The following RIMBP2 variants were observed in gnomAD, a reference collection of about 807,000 sequenced individuals.
RIMBP2 encodes the protein RIMS binding protein 2, also known as RIMS-binding protein 2.
RIMBP2 carries 48 observed loss-of-function variants against 118.6 expected under a neutral mutation model. The ratio of observed to expected loss-of-function variants is 0.40; its 90% CI spans 0.32 to 0.51. The LOEUF (loss-of-function observed/expected upper bound fraction) is 0.51. Among genes scored for constraint, RIMBP2 ranks in the 20% least tolerant of loss-of-function variants. The pLI, the probability that RIMBP2 is intolerant of heterozygous loss-of-function variation, is 0.41. For missense variants in RIMBP2, 1,551 were observed against 1,768.3 expected, an observed-to-expected ratio of 0.88 and a Z score of 2.20; for synonymous variants, 762 against 742.9, an observed-to-expected ratio of 1.03 and a Z score of -0.42.
Position 130,479,376 on chromosome 12 carries a change from C to G in RIMBP2, c.-3-360G>C, listed in dbSNP as rs141616779. 2.8e-3 allele frequency among the ~76,000 whole-genome samples: 419 copies of G among 152,336 alleles called. 2 individuals are homozygous for G. Among genetic ancestry groups the G allele is most frequent in the African/African-American group, 9.6e-3 (399 of 41,572 alleles). On this transcript the variant is annotated intron_variant, in intron 4 of 22. Coordinates refer to ENST00000690449, the MANE Select transcript of RIMBP2 (RefSeq NM_001393629.1). Reference sequence around the variant, plus strand: ...TTTTGCCCAGGTCCTTTGTATATAACAGCAAAGGCTTATTGATGCTGCCCT... The same window carrying G: ...TTTTGCCCAGGTCCTTTGTATATAAGAGCAAAGGCTTATTGATGCTGCCCT...
intron 4 of RIMBP2, among the ~76,000 whole-genome samples, chr12:130,482,030 C>T (rs957625842): frequency 3.9e-5 from 6 of 152,096 alleles, no homozygotes; most frequent in Admixed American, 1.3e-4. Context: ...CGGGGACAAG[C>T]CACCAAGACA....
intron 2 of RIMBP2, among the ~76,000 whole-genome samples, chr12:130,608,615 G>A (rs546276060): frequency 5.9e-5 from 9 of 152,176 alleles, no homozygotes; most frequent in Non-Finnish European, 8.8e-5. Flanking sequence ...CATCTCCACC[G>A]GGGAGGGGAG....
rs1411858475 is a variant in RIMBP2, at chr12:130,523,438, G to T, written c.-216-5521C>A. Among the ~76,000 whole-genome samples, 1 of 152,182 alleles carries T rather than the reference G, an allele frequency of 6.6e-6. No homozygotes were observed. The highest frequency in any genetic ancestry group is 6.5e-5 in the Admixed American group (1 of 15,276). ...CTATGGCAGCCTGAGCTAGTGTATA[G>T]CCTCTGCTAAAGCAACGAGACATGG... On this transcript the variant is annotated intron_variant, in intron 2 of 22. Transcript: ENST00000690449. The surrounding 1 kb of genome is among the most constrained non-coding windows in gnomAD (Gnocchi z 4.4).
chr12:130,442,008 G>A lies in RIMBP2; in HGVS notation c.1344C>T (p.Ile448=), dbSNP rs889264671. ...VIFLNEEEFD[I]VKAARYKYQF... ...GGTACTTGTACCTGGCGGCCTTGAC[G>A]ATGTCGAACTCCTCCTCGTTGAGGA... The change falls in exon 11 of 23, where the codon ATC becomes ATT. Residue 448 remains isoleucine, a synonymous_variant. Coordinates refer to ENST00000690449, the MANE Select transcript of RIMBP2 (RefSeq NM_001393629.1). The surrounding 1 kb of genome is among the most constrained non-coding windows in gnomAD (Gnocchi z 6.9). 6.8e-6 allele frequency: 11 copies of A among 1,614,048 alleles called. No homozygotes were observed. The highest frequency in any genetic ancestry group is 1.3e-5 in the African/African-American group (1 of 74,942).
chr12:130,676,548 G>A (rs550714464), intron 1 of RIMBP2, among the ~76,000 whole-genome samples: 6 of 151,912 alleles, frequency 3.9e-5, no homozygotes, highest in Admixed American at 2.6e-4. Context: ...GCTTGAACCC[G>A]GGAGGTGGAG....
intron 21 of RIMBP2, among the ~76,000 whole-genome samples, chr12:130,402,203 C>T (rs949721985): frequency 5.3e-5 from 8 of 152,156 alleles, no homozygotes; most frequent in Admixed American, 3.9e-4. Context: ...ACTGCTTTGG[C>T]CTAAGTTCCG....
At chr12:130,430,948 G>GTA (rs1274017744) in intron 14 of RIMBP2, among the ~76,000 whole-genome samples, 3 of 152,128 alleles carry the variant, frequency 2.0e-5, no homozygotes, top group African/African-American at 7.2e-5. Flanking sequence ...CAGTCTTTAC[G>GTA]TAATGTGTAC....
At chr12:130,708,898 G>T (rs554212600) in intron 1 of RIMBP2, among the ~76,000 whole-genome samples, 1 of 152,134 alleles carries the variant, frequency 6.6e-6, no homozygotes, top group Admixed American at 6.5e-5. Context: ...CCAGCTTCGC[G>T]GTCAGGCAGC....
At chr12:130,678,804 T>G (rs1405463801) in intron 1 of RIMBP2, among the ~76,000 whole-genome samples, 1 of 152,130 alleles carries the variant, frequency 6.6e-6, no homozygotes, top group African/African-American at 2.4e-5. Context: ...CAGGCGTAAG[T>G]CACCATCCCT....
Position 130,438,351 on chromosome 12 carries a change from C to G in RIMBP2, c.1656+14G>C, listed in dbSNP as rs767638050. On this transcript the variant is annotated intron_variant, in intron 12 of 22. Transcript: ENST00000690449. Reference sequence around the variant, plus strand: ...GCCTAACAAACCCTCCCCACCCACCCAACGAAAACTCACCCTCTGCCCTTT... The same window carrying G: ...GCCTAACAAACCCTCCCCACCCACCGAACGAAAACTCACCCTCTGCCCTTT... 1.3e-6 allele frequency: 2 copies of G among 1,589,938 alleles called. No homozygotes were observed. Among genetic ancestry groups the G allele is most frequent in the Non-Finnish European group, 1.7e-6 (2 of 1,158,626 alleles).
intron 2 of RIMBP2, among the ~76,000 whole-genome samples, chr12:130,556,442 G>A (rs957711880): frequency 3.9e-4 from 59 of 152,244 alleles, no homozygotes; most frequent in African/African-American, 1.4e-3. Context: ...GGTGCTGTCT[G>A]GAAACAGATA....
intron 1 of RIMBP2, among the ~76,000 whole-genome samples, chr12:130,653,292 G>A (rs537961472): frequency 9.2e-5 from 14 of 152,288 alleles, no homozygotes; most frequent in African/African-American, 3.4e-4. Flanking sequence ...TTCCAAATGT[G>A]ACAAATTGGC....
chr12:130,409,429 G>A (rs1052423820), intron 19 of RIMBP2, among the ~76,000 whole-genome samples: 5 of 126,318 alleles, frequency 4.0e-5, no homozygotes, highest in African/African-American at 1.2e-4. Context: ...TGCAAGCTCC[G>A]CCTCCCGGGT....
At chr12:130,689,355 C>G (rs1566458889) in intron 1 of RIMBP2, among the ~76,000 whole-genome samples, 2 of 152,168 alleles carry the variant, frequency 1.3e-5, no homozygotes, top group Non-Finnish European at 1.5e-5. Context: ...ATCGCTTGAA[C>G]CCGGGAGGCG....
intron 6 of RIMBP2, among the ~76,000 whole-genome samples, chr12:130,458,872 C>G (rs1566076559): frequency 6.6e-6 from 1 of 151,890 alleles, no homozygotes; most frequent in Non-Finnish European, 1.5e-5. Context: ...TGGTGAAACT[C>G]AGTCTCTACT....
At chr12:130,700,752 T>C (rs2065818639) in intron 1 of RIMBP2, among the ~76,000 whole-genome samples, 1 of 152,240 alleles carries the variant, frequency 6.6e-6, no homozygotes, top group Non-Finnish European at 1.5e-5. Flanking sequence ...TAGTTCATTC[T>C]AAGTTATTAT....
At chr12:130,674,259 C>T (rs555224850) in intron 1 of RIMBP2, among the ~76,000 whole-genome samples, 14 of 152,312 alleles carry the variant, frequency 9.2e-5, no homozygotes, top group African/African-American at 2.9e-4. Context: ...CTTCGCCTTC[C>T]GCCACGATAA....
At position 130,424,795 on chromosome 12, in the gene RIMBP2, G is replaced by A; in HGVS notation, c.2476C>T (p.Pro826Ser). 8.1e-7 allele frequency: 1 copy of A among 1,232,974 alleles called. No homozygotes were observed. Among genetic ancestry groups the A allele is most frequent in the Non-Finnish European group, 1.0e-6 (1 of 988,648 alleles). The allele number at this position is 1,232,974 out of a possible 1,614,324, so 76.4% of individuals were successfully genotyped here. ...FWEQPEFPHQPHRKRLFSIPE... is the reference protein window; with the variant it reads ...FWEQPEFPHQSHRKRLFSIPE... ...ATACTGAAAAGTCTCTTCCTGTGGG[G>A]CTGGTGGGGAAACTCGGGCTGCTCC... is the stretch of plus-strand genomic sequence containing the variant. The change falls in exon 16 of 23, where the codon CCC becomes TCC. Residue 826 changes from proline (P) to serine (S), a missense_variant. Around this residue, in one of 5 missense-constraint regions of RIMBP2, gnomAD observed 1,038 missense variants for 1,125.1 expected, o/e 0.92. Coordinates refer to ENST00000690449, the MANE Select transcript of RIMBP2 (RefSeq NM_001393629.1). The surrounding 1 kb of genome is among the most constrained non-coding windows in gnomAD (Gnocchi z 9.8).
intron 2 of RIMBP2, among the ~76,000 whole-genome samples, chr12:130,573,231 T>G (rs1223692384): frequency 6.6e-6 from 1 of 151,688 alleles, no homozygotes; most frequent in East Asian, 1.9e-4. Flanking sequence ...ATGTATATTA[T>G]ATTTTTATAT....
Sources: allele counts gnomAD v4.1 joint callset (sites outside exome capture counted in the v4.1 genomes callset), GRCh38; gene constraint gnomAD v4.1.1; regional missense constraint gnomAD v4.1.1; non-coding constraint Gnocchi (gnomAD v3.1); transcripts MANE v1.5; gene names NCBI Gene and HGNC (gene_info 2026-07-23, HGNC 2026-07-21).